Variants in FAF1 observed in about 807,000 individuals in gnomAD.
FAF1 encodes the protein FAS-associated factor 1.
FAF1 carries 25 observed loss-of-function variants against 92.5 expected under a neutral mutation model. The ratio of observed to expected loss-of-function variants is 0.27; its 90% CI spans 0.20 to 0.38. FAF1 has a LOEUF of 0.38. FAF1 is among the 10% of genes least tolerant of loss of function. The probability of loss-of-function intolerance (pLI) is 1.00; values close to 1 mark genes in which losing one functional copy is unlikely to be tolerated. For synonymous variants in FAF1, 234 were observed against 273.2 expected (o/e 0.86, Z 1.42); for missense variants, 636 against 793.3 (o/e 0.80, Z 2.38).
intron 1 of FAF1, among the ~76,000 whole-genome samples, chr1:50,934,143 A>T (rs1345460353): frequency 6.6e-6 from 1 of 152,230 alleles, no homozygotes; most frequent in Non-Finnish European, 1.5e-5. Context: ...GAATTACAAT[A>T]TCCCTCCAGA....
intron 1 of FAF1, among the ~76,000 whole-genome samples, chr1:50,879,169 C>T (rs984511758): frequency 1.1e-4 from 17 of 152,108 alleles, no homozygotes; most frequent in Admixed American, 2.6e-4. Context: ...CTCTTGAACC[C>T]GGGAGGCGGA....
chr1:50,831,709 C>A (rs745319220), intron 2 of FAF1, among the ~76,000 whole-genome samples: 8 of 148,690 alleles, frequency 5.4e-5, no homozygotes, highest in Non-Finnish European at 1.0e-4. Context: ...TACTTGGAAA[C>A]AGGATCTTTG....
chr1:50,605,240 T>G (rs1417206295), intron 8 of FAF1, among the ~76,000 whole-genome samples: 11 of 152,220 alleles, frequency 7.2e-5, no homozygotes, highest in Non-Finnish European at 1.5e-5. Context: ...TAAATGGATA[T>G]GCTTTTATAA....
chr1:50,442,300 A>G (rs1217724302), intron 18 of FAF1, among the ~76,000 whole-genome samples: 1 of 152,182 alleles, frequency 6.6e-6, no homozygotes, highest in Non-Finnish European at 1.5e-5. Context: ...CAATGTTTAA[A>G]AGTTGAGTAA....
At chr1:50,612,417 G>A (rs17387761) in intron 8 of FAF1, 312,420 of 1,159,192 alleles carry the variant, frequency 0.27, 43,174 homozygotes, top group Middle Eastern at 0.43. Flanking sequence ...GAGAGCTACT[G>A]TATTAATCAG....
intron 8 of FAF1, among the ~76,000 whole-genome samples, chr1:50,614,567 C>T (rs901919687): frequency 6.6e-6 from 1 of 151,914 alleles, no homozygotes; most frequent in Admixed American, 6.6e-5. Context: ...GGGCTGGGCA[C>T]GGTAGCTCAC....
chr1:50,627,620 G>A (rs528925354), intron 8 of FAF1, among the ~76,000 whole-genome samples: 3 of 152,120 alleles, frequency 2.0e-5, no homozygotes, highest in Admixed American at 6.5e-5. Context: ...AGTACATACC[G>A]CATGATTCAT....
chr1:50,610,614 T>A (rs1226081512), intron 8 of FAF1, among the ~76,000 whole-genome samples: 1 of 152,188 alleles, frequency 6.6e-6, no homozygotes, highest in Non-Finnish European at 1.5e-5. Context: ...TATAAAAGCA[T>A]CAGTGCTTAT....
At chr1:50,942,353 A>G (rs1266412894) in intron 1 of FAF1, among the ~76,000 whole-genome samples, 2 of 152,116 alleles carry the variant, frequency 1.3e-5, no homozygotes, top group Non-Finnish European at 2.9e-5. Flanking sequence ...GTGTATATAT[A>G]TGTACACATA....
At chr1:50,469,032 G>C (rs1441298871) in intron 18 of FAF1, among the ~76,000 whole-genome samples, 1 of 152,180 alleles carries the variant, frequency 6.6e-6, no homozygotes, top group Admixed American at 6.5e-5. Context: ...TGTCAGATTA[G>C]AGTTTCATAT....
chr1:50,574,042 C>T (rs2149060850), intron 12 of FAF1, among the ~76,000 whole-genome samples: 1 of 152,150 alleles, frequency 6.6e-6, no homozygotes, highest in East Asian at 1.9e-4. Context: ...GGTAGAATTG[C>T]TTGAAACTGG....
intron 6 of FAF1, among the ~76,000 whole-genome samples, chr1:50,722,770 C>G (rs906694959): frequency 6.6e-6 from 1 of 152,042 alleles, no homozygotes; most frequent in Non-Finnish European, 1.5e-5. Flanking sequence ...CTCATATATG[C>G]TATCTTATTT....
chr1:50,934,355 C>T (rs1645070381), intron 1 of FAF1, among the ~76,000 whole-genome samples: 2 of 152,156 alleles, frequency 1.3e-5, no homozygotes, highest in Non-Finnish European at 2.9e-5. Flanking sequence ...TCCTCTACAA[C>T]CCAAAGAAAT....
At chr1:50,657,710 A>G (rs1655187176) in intron 7 of FAF1, among the ~76,000 whole-genome samples, 1 of 152,216 alleles carries the variant, frequency 6.6e-6, no homozygotes, top group East Asian at 1.9e-4. Context: ...ACATAATCAC[A>G]TCTAAGTTAC....
intron 1 of FAF1, among the ~76,000 whole-genome samples, chr1:50,915,056 T>C (rs1369535790): frequency 1.3e-5 from 2 of 152,228 alleles, no homozygotes; most frequent in African/African-American, 4.8e-5. Context: ...TGTCCTCTTC[T>C]ACTCTTCTTT....
chr1:50,689,518 A>G (rs868428474), intron 7 of FAF1, among the ~76,000 whole-genome samples: 1 of 152,228 alleles, frequency 6.6e-6, no homozygotes, highest in Non-Finnish European at 1.5e-5. Flanking sequence ...CGGGAGGCAG[A>G]GGTTGCAGTG....
chr1:50,665,699 T>C (rs940527746), intron 7 of FAF1, among the ~76,000 whole-genome samples: 6 of 152,112 alleles, frequency 3.9e-5, no homozygotes, highest in African/African-American at 9.7e-5. Context: ...AAGCCCAAAA[T>C]AGGAATTATC....
chr1:50,678,776 C>CA (rs58946586), intron 7 of FAF1, among the ~76,000 whole-genome samples: 682 of 13,924 alleles, frequency 0.049, 214 homozygotes, highest in East Asian at 0.096. Context: ...GACTCCATCT[C>CA]AAAAAAAAAA....
At chr1:50,914,741 GT>G (rs1644908146) in intron 1 of FAF1, among the ~76,000 whole-genome samples, 1 of 152,128 alleles carries the variant, frequency 6.6e-6, no homozygotes, top group Non-Finnish European at 1.5e-5. Flanking sequence ...AAGGGACAAT[GT>G]GCTATACTTA....
Sources: allele counts gnomAD v4.1 joint callset (sites outside exome capture counted in the v4.1 genomes callset), GRCh38; gene constraint gnomAD v4.1.1; transcripts MANE v1.5; gene names NCBI Gene and HGNC (gene_info 2026-07-23, HGNC 2026-07-21).